The following WDR49 variants were observed in gnomAD, a reference collection of about 807,000 sequenced individuals.
The protein encoded by WDR49 is WD repeat domain 49.
WDR49 carries 107 observed loss-of-function variants against 119.5 expected under a neutral mutation model. The ratio of observed to expected loss-of-function variants is 0.90; its 90% CI spans 0.77 to 1.05. The LOEUF is 1.05. WDR49 is among the 50% of genes least tolerant of loss of function. WDR49 has a pLI of 0.00. For synonymous variants in WDR49, 425 were observed against 418.8 expected, an observed-to-expected ratio of 1.01 and a Z score of -0.18; for missense variants, 1,240 against 1,220.5, an observed-to-expected ratio of 1.02 and a Z score of -0.24.
intron 11 of WDR49, among the ~76,000 whole-genome samples, chr3:167,535,664 T>C (rs1042680025): frequency 2.6e-5 from 4 of 152,090 alleles, no homozygotes; most frequent in African/African-American, 4.8e-5. Flanking sequence ...TAAATTAGTA[T>C]AGCCTTTATG....
chr3:167,571,212 G>T (rs1392855727), intron 8 of WDR49, among the ~76,000 whole-genome samples: 2 of 151,982 alleles, frequency 1.3e-5, no homozygotes, highest in Non-Finnish European at 2.9e-5. Flanking sequence ...AGTGAAGAGG[G>T]TCTAGTATTC....
Position 167,531,124 on chromosome 3 carries a change from C to A in WDR49, c.2209G>T (p.Ala737Ser). 3 of 1,610,766 alleles carry A rather than the reference C, an allele frequency of 1.9e-6. No individual in the cohort carries two copies. Among genetic ancestry groups the A allele is most frequent in the Non-Finnish European group, 2.5e-6 (3 of 1,178,942 alleles). The change falls in exon 13 of 19, where the codon GCA becomes TCA. Residue 737 changes from alanine to serine, a missense_variant. Ala to Ser is a moderately conservative substitution (Grantham distance 99). Coordinates refer to ENST00000682715, the MANE Select transcript of WDR49 (RefSeq NM_001366157.1). Reference sequence around the variant, plus strand: ...TAAATATATATTTTACCTGTCACTGCAGTGTTTTTTCTTGCTTTAAGAAAG... The same window carrying A: ...TAAATATATATTTTACCTGTCACTGAAGTGTTTTTTCTTGCTTTAAGAAAG... ...LCFLKARKNT[A>S]VTGGANLVSC...
intron 17 of WDR49, among the ~76,000 whole-genome samples, chr3:167,500,836 C>A (rs763794881): frequency 1.4e-4 from 22 of 152,156 alleles, no homozygotes; most frequent in Non-Finnish European, 2.6e-4. Flanking sequence ...AGATATTTCT[C>A]TTTGCTTCAT....
chr3:167,486,283 C>T (rs1427660761), intron 18 of WDR49, among the ~76,000 whole-genome samples: 1 of 151,996 alleles, frequency 6.6e-6, no homozygotes, highest in Admixed American at 6.6e-5. Flanking sequence ...AGAGCAACAC[C>T]TACTACCACA....
chr3:167,598,882 C>T (rs1181289808), intron 7 of WDR49, among the ~76,000 whole-genome samples: 1 of 152,162 alleles, frequency 6.6e-6, no homozygotes, highest in Non-Finnish European at 1.5e-5. Flanking sequence ...CCAGAAGTGT[C>T]CAGATTACTA....
At chr3:167,567,957 C>T (rs995827865) in intron 8 of WDR49, among the ~76,000 whole-genome samples, 7 of 152,222 alleles carry the variant, frequency 4.6e-5, no homozygotes, top group Non-Finnish European at 7.3e-5. Context: ...TTTTCCATTT[C>T]AGGCTCAGAG....
intron 10 of WDR49, among the ~76,000 whole-genome samples, chr3:167,550,465 G>A (rs1273249331): frequency 1.3e-5 from 2 of 151,998 alleles, no homozygotes; most frequent in Non-Finnish European, 2.9e-5. Flanking sequence ...AATGGTGAAT[G>A]GGAGTTCACT....
At chr3:167,633,088 CGTGTGTGTGTGTGT>C (rs3061397) in intron 2 of WDR49, among the ~76,000 whole-genome samples, 7 of 146,990 alleles carry the variant, frequency 4.8e-5, no homozygotes, top group African/African-American at 1.7e-4. Flanking sequence ...TAGCCAAACT[CGTGTGTGTGTGTGT>C]GTGTGTGTGT....
chr3:167,531,884 A>C (rs1332342071), intron 12 of WDR49, among the ~76,000 whole-genome samples: 1 of 152,160 alleles, frequency 6.6e-6, no homozygotes. Flanking sequence ...ATTCCAAAAT[A>C]AGAAATCTAT....
At chr3:167,591,318 A>G (rs960520508) in intron 7 of WDR49, among the ~76,000 whole-genome samples, 1 of 152,092 alleles carries the variant, frequency 6.6e-6, no homozygotes, top group Non-Finnish European at 1.5e-5. Context: ...TTGTTTCATG[A>G]CCTAACATAT....
chr3:167,657,091 C>A (rs1473922090), upstream of WDR49, among the ~76,000 whole-genome samples: 1 of 152,130 alleles, frequency 6.6e-6, no homozygotes, highest in African/African-American at 2.4e-5. Flanking sequence ...TCTCTCCTTC[C>A]CCCACAATTT....
chr3:167,604,257 CTATT>C (rs1715924783), intron 6 of WDR49, 40 bp downstream of exon 6: 2 of 1,602,284 alleles, frequency 1.2e-6, no homozygotes, highest in Non-Finnish European at 1.7e-6. Context: ...ACATCCCAGA[CTATT>C]TATGAGGCCC....
chr3:167,642,711 T>C (rs1015684326), intron 2 of WDR49, among the ~76,000 whole-genome samples: 3 of 151,932 alleles, frequency 2.0e-5, no homozygotes, highest in African/African-American at 7.2e-5. Flanking sequence ...TAAATGGAAC[T>C]GGGGATCCCT....
chr3:167,650,771 T>A (rs1253430662), intron 2 of WDR49, among the ~76,000 whole-genome samples: 1 of 152,222 alleles, frequency 6.6e-6, no homozygotes, highest in Non-Finnish European at 1.5e-5. Context: ...ATTAGCTCAA[T>A]TATCTAATGT....
intron 7 of WDR49, among the ~76,000 whole-genome samples, chr3:167,589,519 GC>G (rs1714998337): frequency 6.6e-6 from 1 of 152,010 alleles, no homozygotes; most frequent in African/African-American, 2.4e-5. Context: ...TCTGTATATT[GC>G]TTTTGGTAAT....
At chr3:167,584,028 A>G (rs1006544521) in intron 7 of WDR49, among the ~76,000 whole-genome samples, 1 of 152,188 alleles carries the variant, frequency 6.6e-6, no homozygotes, top group African/African-American at 2.4e-5. Flanking sequence ...ATGTAAAATA[A>G]TTAGGTATAA....
chr3:167,594,872 A>G (rs1307196104), intron 7 of WDR49, among the ~76,000 whole-genome samples: 1 of 149,770 alleles, frequency 6.7e-6, no homozygotes, highest in African/African-American at 2.5e-5. Flanking sequence ...GGCCAGGGCA[A>G]TTAGGCAGGA....
intron 7 of WDR49, among the ~76,000 whole-genome samples, chr3:167,599,922 T>C (rs1715675769): frequency 6.6e-6 from 1 of 152,154 alleles, no homozygotes. Context: ...TGCTGGTTAT[T>C]TAGAGCTCAA....
intron 2 of WDR49, among the ~76,000 whole-genome samples, chr3:167,652,584 T>G (rs1243090606): frequency 6.6e-6 from 1 of 152,236 alleles, no homozygotes; most frequent in African/African-American, 2.4e-5. Flanking sequence ...TCATTATGCA[T>G]AGCTGCAGAA....
Sources: gnomAD v4.1 joint callset for allele counts (sites outside exome capture counted in the v4.1 genomes callset) on GRCh38, gnomAD v4.1.1 for gene constraint, MANE v1.5 for transcripts, NCBI Gene and HGNC (gene_info 2026-07-23, HGNC 2026-07-21) for gene names.